SUPT3H: variants seen among roughly 807,000 people sequenced by gnomAD.
The protein encoded by SUPT3H is SPT3 homolog, SAGA and STAGA complex component, also known as transcription initiation protein SPT3 homolog.
In SUPT3H, 44 loss-of-function variants were observed where a neutral mutation model predicts 44.3. The observed-to-expected ratio is 0.99, with a 90% CI of 0.78 to 1.28. The LOEUF (loss-of-function observed/expected upper bound fraction) is 1.28. Ranked by LOEUF, SUPT3H falls within the 50% of genes most tolerant of loss-of-function variation. The pLI is 0.00. For missense variants in SUPT3H, 380 were observed against 387.1 expected, an observed-to-expected ratio of 0.98 and a Z score of 0.15; for synonymous variants, 124 against 125.6, an observed-to-expected ratio of 0.99 and a Z score of 0.09.
At chr6:45,262,586 G>A (rs1333981108) in intron 2 of SUPT3H, among the ~76,000 whole-genome samples, 1 of 151,976 alleles carries the variant, frequency 6.6e-6, no homozygotes, top group East Asian at 1.9e-4. Flanking sequence ...TACCTATCTG[G>A]ACATCAACCT....
chr6:45,254,293 T>C (rs1037443708), intron 2 of SUPT3H, among the ~76,000 whole-genome samples: 2 of 152,082 alleles, frequency 1.3e-5, no homozygotes, highest in African/African-American at 4.8e-5. Context: ...TTAGTAAACT[T>C]TAGAGGAGGC....
At chr6:45,292,015 A>T (rs1477696693) in intron 2 of SUPT3H, among the ~76,000 whole-genome samples, 1 of 152,194 alleles carries the variant, frequency 6.6e-6, no homozygotes, top group Admixed American at 6.5e-5. Context: ...AGATGAAGGA[A>T]AGAATTTTAA....
chr6:44,917,127 C>T (rs1216862554), intron 10 of SUPT3H, among the ~76,000 whole-genome samples: 1 of 151,734 alleles, frequency 6.6e-6, no homozygotes, highest in Non-Finnish European at 1.5e-5. Context: ...GCATTCCAGC[C>T]TGGGTAACAG....
chr6:45,365,293 A>G lies in SUPT3H; in HGVS notation c.9T>C (p.Asn3=), dbSNP rs764138567. ...CAGTAGACATTGGACTAGCTGCCGT[A>G]TTATTCATCTAAATAAAAAGGAGAA... MN[N]TAASPMSTAT... Residue 3 remains asparagine, a synonymous_variant, in exon 2 of 11, where the codon AAT becomes AAC. Transcript: ENST00000371459. 3 of 1,607,388 alleles carry G rather than the reference A, an allele frequency of 1.9e-6. No homozygotes were observed. Among genetic ancestry groups the G allele is most frequent in the Non-Finnish European group, 2.6e-6 (3 of 1,175,256 alleles).
At chr6:45,353,071 G>A (rs971993510) in intron 2 of SUPT3H, among the ~76,000 whole-genome samples, 4 of 151,738 alleles carry the variant, frequency 2.6e-5, no homozygotes, top group African/African-American at 4.9e-5. Flanking sequence ...GTAGTTAACC[G>A]GCCCACTCAT....
At chr6:44,976,475 C>T (rs772896127) in intron 6 of SUPT3H, among the ~76,000 whole-genome samples, 1 of 151,956 alleles carries the variant, frequency 6.6e-6, no homozygotes, top group South Asian at 2.1e-4. Flanking sequence ...GATTCTCCTG[C>T]CTCAGCGTCC....
At chr6:45,358,405 A>T (rs555297042) in intron 2 of SUPT3H, among the ~76,000 whole-genome samples, 6 of 152,316 alleles carry the variant, frequency 3.9e-5, no homozygotes, top group African/African-American at 1.4e-4. Flanking sequence ...AATTTCTATC[A>T]CTGTGGAAAG....
intron 6 of SUPT3H, among the ~76,000 whole-genome samples, chr6:44,987,879 C>T (rs1416286817): frequency 6.6e-6 from 1 of 151,918 alleles, no homozygotes; most frequent in Non-Finnish European, 1.5e-5. Context: ...GGAAGAAGTG[C>T]AAAAAGTCTG....
chr6:45,104,997 T>TA (rs1432674513), intron 3 of SUPT3H, among the ~76,000 whole-genome samples: 38 of 152,102 alleles, frequency 2.5e-4, no homozygotes, highest in African/African-American at 7.2e-4. Context: ...CAAGGAAGTT[T>TA]AGCCCTAATA....
At chr6:44,823,438 A>G (rs1767502961), downstream of SUPT3H, among the ~76,000 whole-genome samples, 1 of 152,078 alleles carries the variant, frequency 6.6e-6, no homozygotes, top group Admixed American at 6.6e-5. Context: ...GAAACACCTG[A>G]CCTTCTACAC....
At chr6:45,111,124 C>T (rs1037283916) in intron 2 of SUPT3H, among the ~76,000 whole-genome samples, 1 of 151,766 alleles carries the variant, frequency 6.6e-6, no homozygotes, top group African/African-American at 2.4e-5. Context: ...CCTCCACCTC[C>T]CGGCTTCAAG....
rs544882945 is a variant in SUPT3H, at chr6:45,273,843, C to T, written c.101+91358G>A. Among the ~76,000 whole-genome samples, 20 of 152,252 alleles carry T rather than the reference C, an allele frequency of 1.3e-4. No individual in the cohort carries two copies. The South Asian group carries it at 4.1e-3, about 32-fold the overall frequency. ...TTCTGCTTCACTAGGAGTGAATCTG[C>T]TCGATCACGTGGGAAATCTGTATTC... is the stretch of plus-strand genomic sequence containing the variant. On this transcript the variant is annotated intron_variant, in intron 2 of 10. Transcript: ENST00000371459.
chr6:45,220,371 A>C (rs1765828241), intron 2 of SUPT3H, among the ~76,000 whole-genome samples: 1 of 152,154 alleles, frequency 6.6e-6, no homozygotes. Context: ...TAGTATGAAC[A>C]TATCAATTGA....
At chr6:44,859,434 C>A (rs1298532879) in intron 10 of SUPT3H, among the ~76,000 whole-genome samples, 2 of 152,114 alleles carry the variant, frequency 1.3e-5, no homozygotes, top group Non-Finnish European at 2.9e-5. Context: ...GTCTAAGCTT[C>A]CCCTTCATAG....
At chr6:44,871,140 C>A (rs1192608794) in intron 10 of SUPT3H, among the ~76,000 whole-genome samples, 2 of 150,088 alleles carry the variant, frequency 1.3e-5, no homozygotes, top group South Asian at 2.2e-4. Flanking sequence ...CTGGGTGGAG[C>A]CCACCACAGC....
At chr6:45,083,161 A>C (rs1019613137) in intron 3 of SUPT3H, among the ~76,000 whole-genome samples, 1 of 113,432 alleles carries the variant, frequency 8.8e-6, no homozygotes, top group African/African-American at 3.5e-5. Context: ...ATAGATATTA[A>C]AGAATCATTA....
chr6:44,838,213 T>C (rs1770283143), intron 10 of SUPT3H, among the ~76,000 whole-genome samples: 3 of 152,288 alleles, frequency 2.0e-5, no homozygotes, highest in Middle Eastern at 3.4e-3. Flanking sequence ...TGAGAAATGA[T>C]AGAGAAGGTG....
chr6:45,247,636 G>A (rs1771603686), intron 2 of SUPT3H, among the ~76,000 whole-genome samples: 1 of 151,334 alleles, frequency 6.6e-6, no homozygotes, highest in African/African-American at 2.4e-5. Context: ...TCAATAGGGA[G>A]AACTTTGGAA....
chr6:44,868,182 T>C (rs1209528864), intron 10 of SUPT3H, among the ~76,000 whole-genome samples: 1 of 152,220 alleles, frequency 6.6e-6, no homozygotes, highest in Admixed American at 6.5e-5. Context: ...ACAAACGTGG[T>C]TCTGTGAGTG....
Sources: allele counts gnomAD v4.1 joint callset (sites outside exome capture counted in the v4.1 genomes callset), GRCh38; gene constraint gnomAD v4.1.1; transcripts MANE v1.5; gene names NCBI Gene and HGNC (gene_info 2026-07-23, HGNC 2026-07-21).